CCNJL: variants seen among roughly 807,000 people sequenced by gnomAD.
CCNJL encodes the protein cyclin J like.
In CCNJL, 33 loss-of-function variants were observed where a neutral mutation model predicts 33.4. The ratio of observed to expected loss-of-function variants is 0.99; its 90% CI spans 0.75 to 1.32. The LOEUF is 1.32. Ranked by LOEUF, CCNJL falls within the 40% of genes most tolerant of loss-of-function variation. CCNJL has a pLI of 0.00. For synonymous variants in CCNJL, 227 were observed against 220.9 expected, an observed-to-expected ratio of 1.03 and a Z score of -0.24; for missense variants, 512 against 499.7, an observed-to-expected ratio of 1.02 and a Z score of -0.23.
chr5:160,270,315 G>A (rs772314380), intron 3 of CCNJL, among the ~76,000 whole-genome samples: 1 of 152,178 alleles, frequency 6.6e-6, no homozygotes, highest in Non-Finnish European at 1.5e-5. Flanking sequence ...GAGGTGGTGG[G>A]AACCTGTAAT....
chr5:160,304,186 G>A (rs1763018300), intron 2 of CCNJL, among the ~76,000 whole-genome samples: 1 of 152,210 alleles, frequency 6.6e-6, no homozygotes, highest in Non-Finnish European at 1.5e-5. Context: ...CACACACTGA[G>A]CATTTTGGTA....
At position 160,332,228 on chromosome 5, in the gene CCNJL, C is replaced by T. The variant is rs1055477317; in HGVS notation, n.206+7217G>A. Among the ~76,000 whole-genome samples, 8 of 152,332 alleles carry T rather than the reference C, an allele frequency of 5.3e-5. 1 individual carries two copies. The South Asian group carries it at 1.2e-3, about 24-fold the overall frequency. On this transcript the variant is annotated intron_variant and non_coding_transcript_variant, in intron 1 of 7. Coordinates refer to the CCNJL transcript ENST00000377503. ...TCCTCTTACTGCACCTGTACCCACA[C>T]ATGCTGCCTGCTTTCTTTTATTGAG...
At chr5:160,282,969 A>ATATATATATATATATATATATG (rs1275983126) in intron 2 of CCNJL, among the ~76,000 whole-genome samples, 2 of 23,256 alleles carry the variant, frequency 8.6e-5, no homozygotes, top group African/African-American at 5.3e-4. Flanking sequence ...TCCTTGGAAT[A>ATATATATATATATATATATATG]TATATATATA....
intron 3 of CCNJL, among the ~76,000 whole-genome samples, chr5:160,265,348 G>A (rs1761529611): frequency 6.6e-6 from 1 of 152,196 alleles, no homozygotes; most frequent in Admixed American, 6.5e-5. Flanking sequence ...CTAAAGAAAT[G>A]CAATGCCGGC....
At chr5:160,290,687 G>GT (rs1443291117) in intron 2 of CCNJL, among the ~76,000 whole-genome samples, 1 of 152,150 alleles carries the variant, frequency 6.6e-6, no homozygotes, top group East Asian at 1.9e-4. Context: ...CTGCTAGACT[G>GT]TAACCACCAT....
chr5:160,296,267 A>G (rs1025426865), intron 2 of CCNJL, among the ~76,000 whole-genome samples: 2 of 152,218 alleles, frequency 1.3e-5, no homozygotes, highest in African/African-American at 2.4e-5. Flanking sequence ...CAGGTGCCCA[A>G]TGAACATCAA....
chr5:160,268,314 T>G, intron 3 of CCNJL, among the ~76,000 whole-genome samples: 1 of 152,232 alleles, frequency 6.6e-6, no homozygotes, highest in Admixed American at 6.5e-5. Context: ...CTGTCCTGGA[T>G]TCTACGGAGT....
At chr5:160,290,927 GGCT>G (rs1762560165) in intron 2 of CCNJL, among the ~76,000 whole-genome samples, 1 of 151,652 alleles carries the variant, frequency 6.6e-6, no homozygotes, top group South Asian at 2.1e-4. Flanking sequence ...ACAGGGCAGG[GGCT>G]GGGTGCAGTG....
intron 3 of CCNJL, among the ~76,000 whole-genome samples, chr5:160,271,424 T>C (rs556506118): frequency 2.5e-4 from 38 of 152,300 alleles, no homozygotes; most frequent in African/African-American, 8.9e-4. Flanking sequence ...CAAACAGGTC[T>C]GGGTGTTAAA....
intron 2 of CCNJL, among the ~76,000 whole-genome samples, chr5:160,286,997 CAG>C (rs1160293494): frequency 1.3e-5 from 2 of 152,124 alleles, no homozygotes; most frequent in Admixed American, 1.3e-4. Context: ...AGAATAAATA[CAG>C]AGTCACTCCC....
intron 2 of CCNJL, among the ~76,000 whole-genome samples, chr5:160,282,907 A>G (rs903097901): frequency 2.1e-5 from 3 of 144,978 alleles, no homozygotes; most frequent in African/African-American, 7.6e-5. Context: ...AACAGTCTGG[A>G]AACTCCTTAA....
At chr5:160,330,599 CCT>C (rs1763594291) in intron 1 of CCNJL, among the ~76,000 whole-genome samples, 1 of 152,208 alleles carries the variant, frequency 6.6e-6, no homozygotes, top group Admixed American at 6.5e-5. Context: ...CCAGGTCACC[CCT>C]GATTGCTTGA....
intron 1 of CCNJL, 28 bp from the exon 2 acceptor site, chr5:160,312,000 C>T: frequency 7.1e-7 from 1 of 1,407,230 alleles, no homozygotes; most frequent in Non-Finnish European, 1.0e-6. Context: ...ACTTCAGCGG[C>T]CAGAGCGTAC....
intron 2 of CCNJL, among the ~76,000 whole-genome samples, chr5:160,309,048 C>T (rs1763183345): frequency 6.6e-6 from 1 of 152,106 alleles, no homozygotes; most frequent in African/African-American, 2.4e-5. Context: ...GAGACAAGGT[C>T]AGAGAGCAGG....
At chr5:160,315,343 ACACAC>A (rs1763369488), upstream of CCNJL, 2 of 245,938 alleles carry the variant, frequency 8.1e-6, no homozygotes, top group Non-Finnish European at 1.8e-5. Context: ...ACACACACAC[ACACAC>A]ACACACACAC....
At chr5:160,260,861 GC>G (rs201058727) in intron 3 of CCNJL, among the ~76,000 whole-genome samples, 2,309 of 152,148 alleles carry the variant, frequency 0.015, 30 homozygotes, top group Non-Finnish European at 0.024. Flanking sequence ...CTCAGAAGAC[GC>G]CCTCCACACC....
intron 3 of CCNJL, among the ~76,000 whole-genome samples, chr5:160,260,423 A>G (rs975402571): frequency 6.6e-6 from 1 of 152,188 alleles, no homozygotes; most frequent in African/African-American, 2.4e-5. Context: ...GACACAAGCG[A>G]GTCACCACTG....
intron 2 of CCNJL, among the ~76,000 whole-genome samples, chr5:160,286,285 G>A (rs574600279): frequency 6.6e-6 from 1 of 152,324 alleles, no homozygotes; most frequent in East Asian, 1.9e-4. Flanking sequence ...TCCTGTACGT[G>A]TTCCTGGGAG....
chr5:160,313,406 A>C (rs1581016150), upstream of CCNJL, among the ~76,000 whole-genome samples: 3 of 152,326 alleles, frequency 2.0e-5, no homozygotes, highest in African/African-American at 7.2e-5. Context: ...AAGTTAAACC[A>C]ACCTGCTGAA....
Sources: gnomAD v4.1 joint callset for allele counts (sites outside exome capture counted in the v4.1 genomes callset) on GRCh38, gnomAD v4.1.1 for gene constraint, MANE v1.5 for transcripts, NCBI Gene and HGNC (gene_info 2026-07-23, HGNC 2026-07-21) for gene names.